SH3BGRL: variants seen among roughly 807,000 people sequenced by gnomAD.
SH3BGRL encodes the protein SH3 domain binding glutamate rich protein like, also known as adapter SH3BGRL.
In SH3BGRL, 7 loss-of-function variants were observed where a neutral mutation model predicts 9.8. The ratio of observed to expected loss-of-function variants is 0.72; its 90% CI spans 0.41 to 1.35. SH3BGRL has a LOEUF of 1.35. SH3BGRL is among the 40% of genes most tolerant of loss of function. SH3BGRL has a pLI of 0.01. For missense variants in SH3BGRL, 73 were observed against 84.4 expected, an observed-to-expected ratio of 0.86 and a Z score of 0.53; for synonymous variants, 36 against 29.1, an observed-to-expected ratio of 1.24 and a Z score of -0.76.
At chrX:81,242,033 G>A (rs1207466594) in intron 1 of SH3BGRL, among the ~76,000 whole-genome samples, 1 of 112,488 alleles carries the variant, frequency 8.9e-6, no homozygotes, top group African/African-American at 3.2e-5. Flanking sequence ...CCAGTAGCAT[G>A]AGCCAAGTGC....
intron 1 of SH3BGRL, among the ~76,000 whole-genome samples, chrX:81,249,959 T>G (rs905028573): frequency 9.0e-6 from 1 of 110,633 alleles, no homozygotes; most frequent in African/African-American, 3.3e-5. Context: ...AACAAAAAGG[T>G]GAATTTCACA....
intron 3 of SH3BGRL, among the ~76,000 whole-genome samples, chrX:81,292,308 G>T (rs1002982737): frequency 3.6e-5 from 4 of 112,087 alleles, no homozygotes; most frequent in African/African-American, 1.3e-4. Flanking sequence ...ACATCATGTG[G>T]AAGTACCCAA....
chrX:81,279,613 C>G (rs2075809442), intron 3 of SH3BGRL, among the ~76,000 whole-genome samples: 1 of 111,150 alleles, frequency 9.0e-6, no homozygotes, highest in African/African-American at 3.3e-5. Context: ...CCAACTTTAC[C>G]TGGAGCTGAG....
chrX:81,294,162 G>A (rs951452095), intron 3 of SH3BGRL, among the ~76,000 whole-genome samples: 2 of 111,613 alleles, frequency 1.8e-5, no homozygotes, highest in Non-Finnish European at 3.8e-5. Flanking sequence ...AATGCAAGCC[G>A]GATGCAGAAA....
At chrX:81,289,705 A>G (rs767720925) in intron 3 of SH3BGRL, among the ~76,000 whole-genome samples, 1 of 110,773 alleles carries the variant, frequency 9.0e-6, no homozygotes, top group East Asian at 2.9e-4. Flanking sequence ...TAAAAATACA[A>G]AAATTAGCCG....
intron 1 of SH3BGRL, among the ~76,000 whole-genome samples, chrX:81,259,271 G>T (rs1214924281): frequency 1.8e-5 from 2 of 112,077 alleles, no homozygotes; most frequent in East Asian, 2.8e-4. Flanking sequence ...AGCATTTGTA[G>T]GAAGTGTGGT....
chrX:81,233,998 G>A (rs1035393799), intron 1 of SH3BGRL, among the ~76,000 whole-genome samples: 5 of 111,533 alleles, frequency 4.5e-5, no homozygotes, highest in African/African-American at 1.6e-4. Flanking sequence ...TCCTGTTGAG[G>A]AAGTTTGTGT....
chrX:81,210,754 C>T (rs1044685248), intron 1 of SH3BGRL, among the ~76,000 whole-genome samples: 4 of 111,677 alleles, frequency 3.6e-5, no homozygotes, highest in African/African-American at 1.3e-4. Flanking sequence ...ATTTACAAGT[C>T]GTTGTAATAC....
intron 3 of SH3BGRL, among the ~76,000 whole-genome samples, chrX:81,287,715 C>T (rs887310605): frequency 1.0e-4 from 11 of 110,021 alleles, no homozygotes; most frequent in South Asian, 7.9e-4. Flanking sequence ...GACGGGTTGA[C>T]GGGTGCAGCA....
intron 1 of SH3BGRL, among the ~76,000 whole-genome samples, chrX:81,271,071 C>T (rs1223172264): frequency 8.9e-6 from 1 of 112,293 alleles, no homozygotes; most frequent in Non-Finnish European, 1.9e-5. Context: ...GGGAGGGGAT[C>T]TCCTGGTCGG....
intron 1 of SH3BGRL, among the ~76,000 whole-genome samples, chrX:81,209,849 G>A (rs1222306571): frequency 1.8e-5 from 2 of 111,183 alleles, no homozygotes; most frequent in African/African-American, 3.3e-5. Flanking sequence ...TGAATTCATC[G>A]AGGGCACACT....
intron 3 of SH3BGRL, among the ~76,000 whole-genome samples, chrX:81,293,951 C>G (rs2075866229): frequency 9.0e-6 from 1 of 111,398 alleles, no homozygotes. Context: ...TGCCCCTGCC[C>G]TAGGGATTTA....
At chrX:81,221,206 G>C (rs909716095) in intron 1 of SH3BGRL, among the ~76,000 whole-genome samples, 2 of 111,717 alleles carry the variant, frequency 1.8e-5, no homozygotes, top group African/African-American at 6.5e-5. Context: ...AATGCTGAAT[G>C]ACAGGTCTTG....
intron 1 of SH3BGRL, among the ~76,000 whole-genome samples, chrX:81,213,653 A>G (rs1209125690): frequency 8.9e-6 from 1 of 111,930 alleles, no homozygotes; most frequent in Non-Finnish European, 1.9e-5. Flanking sequence ...AGTTAAAAAT[A>G]CTTTGTAGAA....
At chrX:81,260,304 T>C (rs1050214974) in intron 1 of SH3BGRL, among the ~76,000 whole-genome samples, 4 of 111,074 alleles carry the variant, frequency 3.6e-5, no homozygotes, top group Non-Finnish European at 5.7e-5. Flanking sequence ...CTGTGTAACT[T>C]GGAGCATGTT....
chrX:81,215,479 AAGG>A (rs1346964958), intron 1 of SH3BGRL, among the ~76,000 whole-genome samples: 3 of 111,205 alleles, frequency 2.7e-5, no homozygotes, highest in African/African-American at 9.8e-5. Context: ...AGGACGAGAA[AAGG>A]CCAGGAATAA....
chrX:81,272,281 G>GA (rs1280852355), intron 1 of SH3BGRL, among the ~76,000 whole-genome samples: 3 of 108,850 alleles, frequency 2.8e-5, no homozygotes, highest in Non-Finnish European at 5.7e-5. Context: ...TTTGGTTATT[G>GA]AAAGACTACA....
In SH3BGRL at chrX:81,258,448, T is replaced by C. The variant is rs1235751717; in HGVS notation, c.46-18536T>C. ...GGATCAAATAACATGAACATTTCCA[T>C]GGCTCTGGGTGCATGCTATCAAAAT... On this transcript the variant is annotated intron_variant, in intron 1 of 3. Coordinates refer to ENST00000373212, the MANE Select transcript of SH3BGRL (RefSeq NM_003022.3). Among the ~76,000 whole-genome samples, 4 of 112,454 alleles carry C rather than the reference T, an allele frequency of 3.6e-5. No individual in the cohort carries two copies. The Admixed American group carries it at 3.8e-4, about 11-fold the overall frequency.
At chrX:81,235,159 C>T (rs1367722239) in intron 1 of SH3BGRL, among the ~76,000 whole-genome samples, 3 of 110,519 alleles carry the variant, frequency 2.7e-5, no homozygotes, top group African/African-American at 9.9e-5. Flanking sequence ...GTGCTTAGTA[C>T]ATAGTAGGCA....
Sources: gnomAD v4.1 joint callset for allele counts (sites outside exome capture counted in the v4.1 genomes callset) on GRCh38, gnomAD v4.1.1 for gene constraint, MANE v1.5 for transcripts, NCBI Gene and HGNC (gene_info 2026-07-23, HGNC 2026-07-21) for gene names.